The following WDR70 variants were observed in gnomAD, a reference collection of about 807,000 sequenced individuals.
WDR70 encodes the protein WD repeat-containing protein 70.
A neutral mutation model predicts 88.6 loss-of-function variants in WDR70; 53 were observed. The ratio of observed to expected loss-of-function variants is 0.60; its 90% CI spans 0.48 to 0.75. The LOEUF (loss-of-function observed/expected upper bound fraction) is 0.75. Among genes scored for constraint, WDR70 ranks in the 30% least tolerant of loss-of-function variants. The pLI, the probability that WDR70 is intolerant of heterozygous loss-of-function variation, is 0.00. For synonymous variants in WDR70, 280 were observed against 270.0 expected, an observed-to-expected ratio of 1.04 and a Z score of -0.36; for missense variants, 610 against 823.2, an observed-to-expected ratio of 0.74 and a Z score of 3.17.
chr5:37,443,411 A>G, intron 7 of WDR70, 39 bp downstream of exon 7: 1 of 1,609,710 alleles, frequency 6.2e-7, no homozygotes, highest in Non-Finnish European at 8.5e-7. Context: ...TATTTGACCT[A>G]ATGTCTTCAC....
intron 9 of WDR70, among the ~76,000 whole-genome samples, chr5:37,554,583 T>C (rs1742241717): frequency 6.6e-6 from 1 of 151,758 alleles, no homozygotes; most frequent in Admixed American, 6.6e-5. Flanking sequence ...AAGGCAGAAA[T>C]AAGCAGAAGC....
At chr5:37,637,391 TA>T (rs1246713320) in intron 10 of WDR70, among the ~76,000 whole-genome samples, 1 of 151,422 alleles carries the variant, frequency 6.6e-6, no homozygotes, top group Non-Finnish European at 1.5e-5. Flanking sequence ...GATTTATAAA[TA>T]GTATTTTAAT....
At chr5:37,600,197 A>G (rs1171218599) in intron 9 of WDR70, among the ~76,000 whole-genome samples, 2 of 152,322 alleles carry the variant, frequency 1.3e-5, no homozygotes, top group South Asian at 4.1e-4. Context: ...CAAATAATGT[A>G]TCTGATAAGG....
intron 10 of WDR70, among the ~76,000 whole-genome samples, chr5:37,611,317 C>T (rs534133115): frequency 1.4e-4 from 21 of 151,062 alleles, no homozygotes; most frequent in African/African-American, 4.9e-4. Flanking sequence ...CTTTTTGTTG[C>T]TTTTGGGATA....
chr5:37,421,698 T>G (rs1749951455), intron 5 of WDR70, among the ~76,000 whole-genome samples: 1 of 152,118 alleles, frequency 6.6e-6, no homozygotes. Context: ...CCTAAATGAA[T>G]CAATCAACAA....
chr5:37,422,608 G>T (rs1452470336), intron 5 of WDR70, among the ~76,000 whole-genome samples: 1 of 152,072 alleles, frequency 6.6e-6, no homozygotes, highest in East Asian at 1.9e-4. Flanking sequence ...CTCCCGAGTA[G>T]CTGGGATTAC....
Position 37,718,847 on chromosome 5 carries a change from A to C in WDR70, c.1417-2268A>C, listed in dbSNP as rs1747726776. Among the ~76,000 whole-genome samples, 4 of 152,156 alleles carry C rather than the reference A, an allele frequency of 2.6e-5. No homozygotes were observed. In the South Asian group the frequency reaches 8.3e-4, roughly 32 times the overall value. On this transcript the variant is annotated intron_variant, in intron 13 of 17. Coordinates refer to ENST00000265107, the MANE Select transcript of WDR70 (RefSeq NM_018034.4). ...TGGGATATGTTGCCAAACAAAACTGACTGAGATCTTTGCCCATGAAATATG... is the reference window on the plus strand; with the variant it reads ...TGGGATATGTTGCCAAACAAAACTGCCTGAGATCTTTGCCCATGAAATATG...
intron 17 of WDR70, among the ~76,000 whole-genome samples, chr5:37,742,271 T>TC (rs1054241947): frequency 6.6e-6 from 1 of 151,992 alleles, no homozygotes; most frequent in Non-Finnish European, 1.5e-5. Flanking sequence ...TTGTTTTTTT[T>TC]TTTTTTTTCA....
In WDR70 at chr5:37,528,775, C is replaced by G. The variant is rs566509746; in HGVS notation, c.917+12185C>G. On this transcript the variant is annotated intron_variant, in intron 9 of 17. Transcript: ENST00000265107. ...CCACTCTGTGGGTTGTCTGTTAACT[C>G]TGCTGATTATTTCTTTTGCTGTGCA... Among the ~76,000 whole-genome samples the G allele has an allele frequency of 6.6e-5, 10 of 152,248 alleles. No individual in the cohort carries two copies. The South Asian group carries it at 2.1e-3, about 32-fold the overall frequency.
chr5:37,639,387 G>A (rs1054755501), intron 10 of WDR70, among the ~76,000 whole-genome samples: 2 of 152,138 alleles, frequency 1.3e-5, no homozygotes, highest in East Asian at 3.8e-4. Context: ...CACAATTCAC[G>A]CTGAAAATGC....
At chr5:37,482,334 A>G (rs1227476231) in intron 8 of WDR70, among the ~76,000 whole-genome samples, 5 of 152,160 alleles carry the variant, frequency 3.3e-5, no homozygotes, top group Non-Finnish European at 7.3e-5. Context: ...TTTATAAAGG[A>G]AAGAGGTTGA....
chr5:37,620,917 T>A (rs1744489455), intron 10 of WDR70, among the ~76,000 whole-genome samples: 1 of 152,054 alleles, frequency 6.6e-6, no homozygotes, highest in African/African-American at 2.4e-5. Flanking sequence ...AGTGTACACT[T>A]GAATGGTGAT....
chr5:37,620,745 A>C (rs1744485294), intron 10 of WDR70, among the ~76,000 whole-genome samples: 1 of 152,216 alleles, frequency 6.6e-6, no homozygotes, highest in Non-Finnish European at 1.5e-5. Context: ...TGCCTCAAAT[A>C]TAATTTGATC....
At chr5:37,401,164 A>AT (rs559450523) in intron 5 of WDR70, among the ~76,000 whole-genome samples, 1,801 of 69,158 alleles carry the variant, frequency 0.026, 292 homozygotes, top group African/African-American at 0.04. Flanking sequence ...ACACCTAGCT[A>AT]TTTTTTTTTT....
chr5:37,532,512 G>A (rs549605712), intron 9 of WDR70, among the ~76,000 whole-genome samples: 164 of 151,880 alleles, frequency 1.1e-3, no homozygotes, highest in Non-Finnish European at 8.5e-4. Context: ...CCTTGTCTTC[G>A]AGCCCTGAAG....
At chr5:37,657,009 C>T (rs1055663677) in intron 10 of WDR70, among the ~76,000 whole-genome samples, 1 of 152,178 alleles carries the variant, frequency 6.6e-6, no homozygotes, top group African/African-American at 2.4e-5. Flanking sequence ...GTGAACGGTT[C>T]TGTCTCGCTG....
chr5:37,540,166 T>G (rs1581378639), intron 9 of WDR70, among the ~76,000 whole-genome samples: 1 of 152,330 alleles, frequency 6.6e-6, no homozygotes, highest in East Asian at 1.9e-4. Flanking sequence ...TTGATTATAA[T>G]CTACAGCCTC....
intron 5 of WDR70, among the ~76,000 whole-genome samples, chr5:37,423,627 T>C (rs1053671416): frequency 1.4e-5 from 2 of 146,922 alleles, no homozygotes; most frequent in African/African-American, 4.9e-5. Flanking sequence ...GCAGTGGCGC[T>C]ATCTTGGCTC....
At chr5:37,385,209 A>C (rs1310168705) in intron 3 of WDR70, among the ~76,000 whole-genome samples, 1 of 152,006 alleles carries the variant, frequency 6.6e-6, no homozygotes, top group Admixed American at 6.6e-5. Context: ...CCCTGAAGCT[A>C]ATCACATCTA....
Sources: gnomAD v4.1 joint callset for allele counts (sites outside exome capture counted in the v4.1 genomes callset) on GRCh38, gnomAD v4.1.1 for gene constraint, MANE v1.5 for transcripts, NCBI Gene and HGNC (gene_info 2026-07-23, HGNC 2026-07-21) for gene names.